The following NHS variants were observed in gnomAD, a reference collection of about 807,000 sequenced individuals.
The protein encoded by NHS is actin remodeling regulator NHS.
In NHS, 5 loss-of-function variants were observed where a neutral mutation model predicts 72.5. That is an observed-to-expected ratio of 0.07 (90% CI 0.04 to 0.14). The LOEUF is 0.14. Among genes scored for constraint, NHS ranks in the 10% least tolerant of loss-of-function variants. NHS has a pLI of 1.00. For missense variants in NHS, 1,072 were observed against 1,355.7 expected, an observed-to-expected ratio of 0.79 and a Z score of 3.29; for synonymous variants, 464 against 547.7, an observed-to-expected ratio of 0.85 and a Z score of 2.13.
In NHS at chrX:17,561,570, G is replaced by GCACA. The variant is rs1365009034; in HGVS notation, c.566-126171_566-126170insACAC. ...CATGCAAGTGCATGCGCGCGCGCGC[G>GCACA]CGCGCACACACACACACACACACAC... On this transcript the variant is annotated intron_variant, in intron 1 of 8. Transcript: ENST00000676302. Among the ~76,000 whole-genome samples, 436 of 63,093 alleles carry GCACA rather than the reference G, an allele frequency of 6.9e-3. 5 individuals are homozygous for GCACA. The highest frequency in any genetic ancestry group is 0.028 in the African/African-American group (396 of 14,024). 54.8% of individuals were successfully genotyped at this position (63,093 alleles called of 115,157 possible).
chrX:17,728,055 C>T lies in NHS; in HGVS notation c.3949C>T (p.Pro1317Ser). The stretch of plus-strand genomic sequence containing the variant: ...TGCAGGTCTGGAGGAAGTTGCACAA[C>T]CTGAATCTGTGGATGTAATCACATC... ...PSAGLEEVAQ[P>S]ESVDVITSQS... Residue 1317 changes from proline to serine, a missense_variant, in exon 7 of 9, where the codon CCT becomes TCT. Pro to Ser is a moderately conservative substitution (Grantham distance 74). Coordinates refer to ENST00000676302, the MANE Select transcript of NHS (RefSeq NM_001291867.2). 1 of 1,211,708 alleles carries T rather than the reference C, an allele frequency of 8.3e-7. No homozygotes were observed. The highest frequency in any genetic ancestry group is 1.1e-6 in the Non-Finnish European group (1 of 895,463).
intron 1 of NHS, among the ~76,000 whole-genome samples, chrX:17,419,216 T>C (rs1393388464): frequency 8.9e-6 from 1 of 112,862 alleles, no homozygotes; most frequent in African/African-American, 3.2e-5. Flanking sequence ...GCAGATCATT[T>C]GTTTAAACTC....
intron 1 of NHS, among the ~76,000 whole-genome samples, chrX:17,649,656 G>C (rs1178709390): frequency 9.0e-6 from 1 of 111,387 alleles, no homozygotes; most frequent in Non-Finnish European, 1.9e-5. Context: ...TATCACAGCT[G>C]TTACTTATTT....
At chrX:17,691,611 G>A (rs2066196038) in intron 2 of NHS, among the ~76,000 whole-genome samples, 1 of 111,613 alleles carries the variant, frequency 9.0e-6, no homozygotes, top group Non-Finnish European at 1.9e-5. Flanking sequence ...TCCTAGTTTA[G>A]GGGGCAGCAC....
chrX:17,391,700 C>A (rs1166494913), intron 1 of NHS, among the ~76,000 whole-genome samples: 1 of 111,609 alleles, frequency 9.0e-6, no homozygotes, highest in Non-Finnish European at 1.9e-5. Context: ...ACTGCAAGAA[C>A]AATTTAGCAT....
intron 1 of NHS, among the ~76,000 whole-genome samples, chrX:17,665,318 A>ATT (rs34661609): frequency 0.04 from 2,203 of 54,690 alleles, 504 homozygotes; most frequent in Non-Finnish European, 0.05. Context: ...TTACCTATAG[A>ATT]TTTTTTTTTT....
intron 1 of NHS, among the ~76,000 whole-genome samples, chrX:17,678,291 T>TGA (rs1214341622): frequency 3.4e-4 from 36 of 105,573 alleles, no homozygotes; most frequent in African/African-American, 5.6e-4. Context: ...TGTGTGTGTG[T>TGA]GTGAGAGAGA....
rs759781562 is a variant in NHS at position 17,540,369 on chromosome X, G to A, written c.566-147373G>A. Among the ~76,000 whole-genome samples the A allele has an allele frequency of 4.5e-5, 5 of 111,937 alleles. No individual in the cohort carries two copies. In the East Asian group the frequency reaches 1.4e-3, roughly 31 times the overall value. On this transcript the variant is annotated intron_variant, in intron 1 of 8. Coordinates refer to ENST00000676302, the MANE Select transcript of NHS (RefSeq NM_001291867.2). The stretch of plus-strand genomic sequence containing the variant: ...TATCAGGGGGTTTCTTGGTGCATTT[G>A]GGCCTTGACCTGGGTTCTTTAGAAT...
At chrX:17,671,858 A>C (rs2066048711) in intron 1 of NHS, among the ~76,000 whole-genome samples, 1 of 111,954 alleles carries the variant, frequency 8.9e-6, no homozygotes, top group Non-Finnish European at 1.9e-5. Context: ...AGTTCCAATG[A>C]CTTAAAGGGA....
intron 1 of NHS, among the ~76,000 whole-genome samples, chrX:17,406,062 T>C: frequency 8.9e-6 from 1 of 112,282 alleles, no homozygotes; most frequent in Non-Finnish European, 1.9e-5. Context: ...AACTTCTGGA[T>C]GAGCTGGGAT....
chrX:17,694,860 C>G lies in NHS; in HGVS notation c.852+2392C>G, dbSNP rs193200986. ...AGGTCCAACCGTGTTTAAATCCCAG[C>G]ACTACAACTTTTTGGATGTGTGACT... On this transcript the variant is annotated intron_variant, in intron 3 of 8. Coordinates refer to ENST00000676302, the MANE Select transcript of NHS (RefSeq NM_001291867.2). Among the ~76,000 whole-genome samples the G allele has an allele frequency of 6.3e-5, 7 of 111,992 alleles. 1 individual carries two copies. In the Admixed American group the frequency reaches 6.6e-4, roughly 11 times the overall value.
At chrX:17,720,818 A>G (rs2066401927) in intron 4 of NHS, among the ~76,000 whole-genome samples, 1 of 112,481 alleles carries the variant, frequency 8.9e-6, no homozygotes, top group African/African-American at 3.2e-5. Flanking sequence ...ATTTTCCGCT[A>G]TCGTTGGTAG....
chrX:17,634,227 A>C (rs1217956654), intron 1 of NHS, among the ~76,000 whole-genome samples: 2 of 112,250 alleles, frequency 1.8e-5, no homozygotes, highest in African/African-American at 6.5e-5. Flanking sequence ...TGCATCCCAG[A>C]GCCTCAGCGC....
At chrX:17,719,183 G>C (rs1814591253) in intron 3 of NHS, 161 bp from the exon 4 acceptor site, 1 of 407,218 alleles carries the variant, frequency 2.5e-6, no homozygotes, top group Admixed American at 3.4e-5. Context: ...GAAGGAAGGA[G>C]GAAGGGAAAG....
At chrX:17,708,309 G>A (rs760835877) in intron 3 of NHS, among the ~76,000 whole-genome samples, 4 of 111,542 alleles carry the variant, frequency 3.6e-5, no homozygotes, top group Non-Finnish European at 7.5e-5. Context: ...TTTCGAGATA[G>A]ATTTCCCACA....
intron 1 of NHS, among the ~76,000 whole-genome samples, chrX:17,596,280 A>G (rs192176691): frequency 9.6e-4 from 108 of 112,001 alleles, no homozygotes; most frequent in Non-Finnish European, 1.8e-3. Flanking sequence ...CTTCCTTAGA[A>G]TGGGAAGGAT....
intron 1 of NHS, among the ~76,000 whole-genome samples, chrX:17,400,276 C>A (rs745866186): frequency 2.7e-5 from 3 of 111,471 alleles, no homozygotes; most frequent in Non-Finnish European, 3.8e-5. Flanking sequence ...AATGAACAAT[C>A]AGAAAAAGAA....
intron 1 of NHS, among the ~76,000 whole-genome samples, chrX:17,459,452 T>A (rs1178203254): frequency 8.9e-6 from 1 of 112,096 alleles, no homozygotes; most frequent in Non-Finnish European, 1.9e-5. Context: ...GCAGATGGTT[T>A]GGGGCAAGAT....
chrX:17,447,779 ACACACG>A (rs2064788256), intron 1 of NHS, among the ~76,000 whole-genome samples: 1 of 84,465 alleles, frequency 1.2e-5, no homozygotes, highest in South Asian at 5.3e-4. Context: ...ACACGCACAC[ACACACG>A]CACACACACA....
Sources: allele counts gnomAD v4.1 joint callset (sites outside exome capture counted in the v4.1 genomes callset), GRCh38; gene constraint gnomAD v4.1.1; transcripts MANE v1.5; gene names NCBI Gene and HGNC (gene_info 2026-07-23, HGNC 2026-07-21).